ADGRA3: variants seen among roughly 807,000 people sequenced by gnomAD.
ADGRA3 encodes the protein adhesion G protein-coupled receptor A3.
Under a neutral mutation model 119.8 loss-of-function variants are expected in ADGRA3, and 56 were observed. The ratio of observed to expected loss-of-function variants is 0.47; its 90% CI spans 0.38 to 0.58. The LOEUF (loss-of-function observed/expected upper bound fraction) is 0.58. Ranked by LOEUF, ADGRA3 falls within the 20% of genes least tolerant of loss-of-function variation. The pLI is 0.00. For missense variants in ADGRA3, 1,516 were observed against 1,649.0 expected (o/e 0.92, Z 1.40); for synonymous variants, 607 against 623.8 (o/e 0.97, Z 0.40).
intron 2 of ADGRA3, among the ~76,000 whole-genome samples, chr4:22,470,928 A>C (rs1717838158): frequency 6.6e-6 from 1 of 152,178 alleles, no homozygotes; most frequent in Non-Finnish European, 1.5e-5. Context: ...CTGACAGGTG[A>C]GGCAGGCAGG....
intron 10 of ADGRA3, among the ~76,000 whole-genome samples, chr4:22,427,234 C>T (rs1463824612): frequency 6.6e-6 from 1 of 152,114 alleles, no homozygotes; most frequent in Non-Finnish European, 1.5e-5. Flanking sequence ...TATTGTAAGG[C>T]ACCACTGAAA....
chr4:22,418,172 G>A (rs1225339687), intron 12 of ADGRA3, among the ~76,000 whole-genome samples: 1 of 152,144 alleles, frequency 6.6e-6, no homozygotes, highest in African/African-American at 2.4e-5. Context: ...GATAGATGCT[G>A]TCAGTAAGAG....
chr4:22,450,267 CTT>C (rs200219926), intron 4 of ADGRA3, among the ~76,000 whole-genome samples: 27 of 143,514 alleles, frequency 1.9e-4, no homozygotes, highest in Admixed American at 3.5e-4. Context: ...CTTTATGCTT[CTT>C]TTTTTTTTTT....
intron 10 of ADGRA3, among the ~76,000 whole-genome samples, chr4:22,434,613 A>G (rs1160850761): frequency 6.6e-6 from 1 of 152,222 alleles, no homozygotes; most frequent in Non-Finnish European, 1.5e-5. Context: ...GTACATATAA[A>G]GTTCTCACGA....
intron 1 of ADGRA3, among the ~76,000 whole-genome samples, chr4:22,498,105 C>A (rs1718907095): frequency 6.6e-6 from 1 of 151,246 alleles, no homozygotes; most frequent in Non-Finnish European, 1.5e-5. Flanking sequence ...GCCGGGCGTG[C>A]TGGCAGGAGC....
At chr4:22,510,113 C>G (rs2109187245) in intron 1 of ADGRA3, among the ~76,000 whole-genome samples, 1 of 151,928 alleles carries the variant, frequency 6.6e-6, no homozygotes, top group Non-Finnish European at 1.5e-5. Context: ...GTCTGCCATA[C>G]AGTCATTCTC....
chr4:22,498,520 A>G (rs1163949972), intron 1 of ADGRA3, among the ~76,000 whole-genome samples: 1 of 151,702 alleles, frequency 6.6e-6, no homozygotes, highest in Non-Finnish European at 1.5e-5. Flanking sequence ...CGGGAAGCTG[A>G]GGGAGAAGAA....
At position 22,516,006 on chromosome 4, in the gene ADGRA3, T is replaced by C. The variant is rs374072415; in HGVS notation, c.-222A>G. 5,120 of 160,176 alleles carry C rather than the reference T, an allele frequency of 0.032. 116 individuals carry two copies. The highest frequency in any genetic ancestry group is 0.072 in the South Asian group (415 of 5,776). 9.9% of individuals were successfully genotyped at this position (160,176 alleles called of 1,614,324 possible). On this transcript the variant is annotated 5_prime_UTR_variant, in exon 1 of 19. Transcript: ENST00000334304. ...ACGGCCGCATGGGTCCCAGCGCCGC[T>C]CTACCGCCCGGCGCGAGCACCGCCT...
chr4:22,476,628 G>T (rs1468090293), intron 1 of ADGRA3, among the ~76,000 whole-genome samples: 7 of 151,182 alleles, frequency 4.6e-5, no homozygotes, highest in African/African-American at 1.7e-4. Context: ...TTTTAGTGAT[G>T]AGGTTTCTAT....
Position 22,388,439 on chromosome 4 carries a change from TG to T in ADGRA3, c.3231del (p.Asn1078ThrfsTer38), listed in dbSNP as rs753412203. ...GCCTCTCCATTCGTCCCATTAGAGT[TG>T]GGGGGCTGGACGTTGACTTGCACTG... ...SYSVQVNVQPPNSNGTNGEAP... is the reference protein window; with the variant it reads ...SYSVQVNVQPXNSNGTNGEAP... On this transcript the variant is annotated frameshift_variant, in exon 19 of 19. Transcript: ENST00000334304. LOFTEE classifies it high-confidence loss of function. The T allele has an allele frequency of 6.2e-7, 1 of 1,614,022 alleles. No individual in the cohort carries two copies. The highest frequency in any genetic ancestry group is 1.1e-5 in the South Asian group (1 of 91,078).
rs1560292369 is a variant in ADGRA3, at chr4:22,390,408, CGTATT to C, written c.2628-1230_2628-1226del. 3.0e-3 allele frequency among the ~76,000 whole-genome samples: 266 copies of C among 87,484 alleles called. 10 individuals carry two copies. The East Asian group carries it at 0.06, about 20-fold the overall frequency. The allele number at this position is 87,484 out of a possible 152,430, so 57.4% of individuals were successfully genotyped here. ...ACGTATTATATATATATATAAAATACGTATTATATATATATAATACGTATTATATA... is the reference window on the plus strand; with the variant it reads ...ACGTATTATATATATATATAAAATACATATATATATAATACGTATTATATA... On this transcript the variant is annotated intron_variant, in intron 17 of 18. Coordinates refer to ENST00000334304, the MANE Select transcript of ADGRA3 (RefSeq NM_145290.4).
chr4:22,465,357 T>C (rs1048395374), intron 2 of ADGRA3, among the ~76,000 whole-genome samples: 2 of 152,166 alleles, frequency 1.3e-5, no homozygotes, highest in Non-Finnish European at 2.9e-5. Flanking sequence ...TTAGCAATTA[T>C]ACGACTTTGG....
intron 1 of ADGRA3, among the ~76,000 whole-genome samples, chr4:22,489,774 C>A (rs1168955455): frequency 3.9e-5 from 6 of 152,136 alleles, no homozygotes; most frequent in African/African-American, 7.2e-5. Context: ...ATTCTGCCTT[C>A]CCAAACCATC....
At chr4:22,514,440 G>C (rs747154271) in intron 1 of ADGRA3, 1 of 152,164 alleles carries the variant, frequency 6.6e-6, no homozygotes, top group Non-Finnish European at 1.5e-5. Context: ...AAAAGTGTTA[G>C]TAATGAAATG....
At chr4:22,455,073 G>T (rs529075816) in intron 3 of ADGRA3, 136 bp from the exon 4 acceptor site, 3 of 646,916 alleles carry the variant, frequency 4.6e-6, no homozygotes, top group Non-Finnish European at 8.4e-6. Context: ...TTTACTGTAC[G>T]CAAATGAGAT....
intron 1 of ADGRA3, among the ~76,000 whole-genome samples, chr4:22,504,309 T>G (rs867166710): frequency 2.0e-5 from 3 of 152,210 alleles, no homozygotes; most frequent in African/African-American, 4.8e-5. Context: ...GTCAGTCATC[T>G]GAAATGATGA....
intron 1 of ADGRA3, among the ~76,000 whole-genome samples, chr4:22,476,524 C>T (rs560697643): frequency 2.0e-5 from 3 of 152,116 alleles, no homozygotes; most frequent in Admixed American, 6.5e-5. Flanking sequence ...AAAAAGCAAA[C>T]ATCAAAACTG....
intron 1 of ADGRA3, among the ~76,000 whole-genome samples, chr4:22,505,646 C>CA (rs199814126): frequency 0.33 from 39,957 of 122,618 alleles, 6,267 homozygotes; most frequent in African/African-American, 0.4. Flanking sequence ...GACTCTGTCT[C>CA]AAAAAAAAAA....
chr4:22,419,220 A>G (rs868701745), intron 12 of ADGRA3, among the ~76,000 whole-genome samples: 1 of 147,016 alleles, frequency 6.8e-6, no homozygotes, highest in Non-Finnish European at 1.5e-5. Context: ...CTGGATGTTC[A>G]GGTTTTCTAG....
Sources: allele counts gnomAD v4.1 joint callset (sites outside exome capture counted in the v4.1 genomes callset), GRCh38; gene constraint gnomAD v4.1.1; transcripts MANE v1.5; gene names NCBI Gene and HGNC (gene_info 2026-07-23, HGNC 2026-07-21).